Variants in RNF17 observed in about 807,000 individuals in gnomAD.
The protein encoded by RNF17 is ring finger protein 17, also known as spermatogenesis associated 23.
RNF17 carries 31 observed loss-of-function variants against 200.5 expected under a neutral mutation model. The ratio of observed to expected loss-of-function variants is 0.15; its 90% CI spans 0.12 to 0.21. RNF17 has a LOEUF of 0.21. Among genes scored for constraint, RNF17 ranks in the 10% least tolerant of loss-of-function variants. The pLI is 1.00. For missense variants in RNF17, 1,628 were observed against 1,905.1 expected, an observed-to-expected ratio of 0.85 and a Z score of 2.71; for synonymous variants, 606 against 637.8, an observed-to-expected ratio of 0.95 and a Z score of 0.75.
the RNF17 span, among the ~76,000 whole-genome samples, chr13:24,752,804 T>C: frequency 1.3e-5 from 2 of 152,210 alleles, no homozygotes; most frequent in Non-Finnish European, 2.9e-5. Flanking sequence ...CTGCTCCAGA[T>C]GACAGCCAGA....
At chr13:24,885,169 A>AAAGGCATCTTG in the RNF17 span, 1 of 750,464 alleles carries the variant, frequency 1.3e-6, no homozygotes, top group African/African-American at 1.7e-5. Flanking sequence ...AATGGCAACT[A>AAAGGCATCTTG]AAGGCATCTT....
At chr13:24,751,844 A>G in the RNF17 span, 2 of 152,180 alleles carry the variant, frequency 1.3e-5, no homozygotes, top group Non-Finnish European at 2.9e-5. Flanking sequence ...CACAAATAGC[A>G]TAATTGTTTG....
Position 24,879,229 on chromosome 13 carries a change from C to G in RNF17, c.4816C>G (p.Gln1606Glu), listed in dbSNP as rs750465436. ...GATAGTGACATTATATGACGATGAA[C>G]AGCATCCAGTTCATATGCCGTTGGT... ...EQIVTLYDDE[Q>E]HPVHMPLVEM... The change falls in exon 35 of 36, where the codon CAG becomes GAG. Residue 1606 changes from glutamine (Q) to glutamate (E), a missense_variant. This residue lies in a region of RNF17 where 609 missense variants were observed against 681.9 expected (regional missense o/e 0.89). Coordinates refer to ENST00000255324, the MANE Select transcript of RNF17 (RefSeq NM_031277.3). The G allele has an allele frequency of 8.7e-6, 14 of 1,613,836 alleles. No homozygotes were observed. The highest frequency in any genetic ancestry group is 1.1e-5 in the Non-Finnish European group (13 of 1,179,728).
At chr13:24,873,039 A>G in intron 32 of RNF17, among the ~76,000 whole-genome samples, 1 of 152,352 alleles carries the variant, frequency 6.6e-6, no homozygotes, top group South Asian at 2.1e-4. Context: ...GTGTACCATT[A>G]AAGAATTTTA....
Position 24,831,948 on chromosome 13 carries a change from C to A in RNF17, c.2452C>A (p.Gln818Lys). The A allele has an allele frequency of 6.3e-7, 1 of 1,595,704 alleles. No individual in the cohort carries two copies. The highest frequency in any genetic ancestry group is 8.6e-7 in the Non-Finnish European group (1 of 1,165,998). Residue 818 changes from glutamine (Q) to lysine (K), a missense_variant, in exon 18 of 36, where the codon CAA becomes AAA. This residue lies in a region of RNF17 where 227 missense variants were observed against 319.8 expected (regional missense o/e 0.71). Coordinates refer to ENST00000255324, the MANE Select transcript of RNF17 (RefSeq NM_031277.3). ...EAKEKFEEKA[Q>K]DKFMTCSVIK... ...TAAAGAAAAATTTGAAGAAAAGGCTCAAGATAAATTTATGACATGTTCAGT... is the reference window on the plus strand; with the variant it reads ...TAAAGAAAAATTTGAAGAAAAGGCTAAAGATAAATTTATGACATGTTCAGT...
At chr13:24,764,425 C>T (rs1879251368) in intron 1 of RNF17, 92 bp downstream of exon 1, 3 of 1,444,350 alleles carry the variant, frequency 2.1e-6, no homozygotes, top group South Asian at 2.9e-5. Context: ...GCTTGGTCAG[C>T]TGCATCCAAT....
At chr13:24,796,073 T>G (rs1033324460) in intron 10 of RNF17, 64 bp from the exon 11 acceptor site, 1 of 1,286,006 alleles carries the variant, frequency 7.8e-7, no homozygotes, top group Non-Finnish European at 1.1e-6. Context: ...TTATGGTTGT[T>G]CAGCTTTCAT....
downstream of RNF17, chr13:24,880,058 T>C (rs1311723960): frequency 6.6e-6 from 1 of 152,244 alleles, no homozygotes; most frequent in Non-Finnish European, 1.5e-5. Flanking sequence ...ACATTCCCCC[T>C]GCCTTCTGTA....
intron 9 of RNF17, among the ~76,000 whole-genome samples, chr13:24,791,232 C>G (rs1289986912): frequency 6.6e-6 from 1 of 152,106 alleles, no homozygotes; most frequent in Admixed American, 6.6e-5. Context: ...GACTCAGCAA[C>G]TCATGAGAAC....
chr13:24,876,815 T>C (rs1307288638), intron 33 of RNF17, among the ~76,000 whole-genome samples, 182 bp from the exon 34 acceptor site: 1 of 152,140 alleles, frequency 6.6e-6, no homozygotes, highest in Non-Finnish European at 1.5e-5. Context: ...TTAATTTTTT[T>C]AGGAAGTCCA....
At chr13:24,881,177 C>CA (rs958667883), downstream of RNF17, among the ~76,000 whole-genome samples, 1 of 150,544 alleles carries the variant, frequency 6.6e-6, no homozygotes, top group Non-Finnish European at 1.5e-5. Flanking sequence ...TCCTTTGAGA[C>CA]AGAGTCCCAC....
chr13:24,856,092 A>G (rs945048465), intron 25 of RNF17, among the ~76,000 whole-genome samples: 14 of 151,920 alleles, frequency 9.2e-5, no homozygotes, highest in African/African-American at 3.1e-4. Context: ...AATTTTATCA[A>G]TCTTCTTTGT....
At position 24,854,030 on chromosome 13, in the gene RNF17, C is replaced by G; in HGVS notation, c.3496C>G (p.Pro1166Ala). The G allele has an allele frequency of 1.2e-6, 2 of 1,614,018 alleles. No individual in the cohort carries two copies. The highest frequency in any genetic ancestry group is 1.7e-6 in the Non-Finnish European group (2 of 1,179,930). ...VSEFQEKILE[P>A]RTTRGYKPPA... ...TGAATTTCAGGAGAAAATTCTAGAACCAAGAACCACTAGAGGGTATAAGCC... is the reference window on the plus strand; with the variant it reads ...TGAATTTCAGGAGAAAATTCTAGAAGCAAGAACCACTAGAGGGTATAAGCC... The change falls in exon 25 of 36, where the codon CCA (proline) becomes GCA (alanine). Residue 1166 changes from proline to alanine, a missense_variant. By Grantham distance (27) the Pro-to-Ala change is conservative (BLOSUM62 -1). Around this residue, in one of 5 missense-constraint regions of RNF17, gnomAD observed 609 missense variants for 681.9 expected, o/e 0.89. Transcript: ENST00000255324.
chr13:24,883,407 AAAT>A (rs1173624361), downstream of RNF17: 5 of 1,452,908 alleles, frequency 3.4e-6, no homozygotes, highest in Non-Finnish European at 3.8e-6. Context: ...CTTAAAAAAA[AAAT>A]AATAGAAAAT....
intron 18 of RNF17, among the ~76,000 whole-genome samples, chr13:24,839,455 G>A (rs1021558282): frequency 6.6e-6 from 1 of 152,090 alleles, no homozygotes; most frequent in African/African-American, 2.4e-5. Flanking sequence ...GAACAAATTT[G>A]GAGGCATTAC....
intron 1 of RNF17, among the ~76,000 whole-genome samples, chr13:24,766,954 C>T (rs774090740): frequency 1.7e-4 from 26 of 152,228 alleles, no homozygotes; most frequent in Non-Finnish European, 3.2e-4. Context: ...TCAACCATTT[C>T]AAACTGTAGT....
At chr13:24,806,702 G>T (rs1885890421) in intron 15 of RNF17, among the ~76,000 whole-genome samples, 1 of 151,692 alleles carries the variant, frequency 6.6e-6, no homozygotes, top group Admixed American at 6.6e-5. Flanking sequence ...CAATGTGCAG[G>T]TTAGTTACAT....
rs527442126 is a variant in RNF17 at position 24,852,178 on chromosome 13, A to G, written c.3320+607A>G. On this transcript the variant is annotated intron_variant, in intron 24 of 35. Transcript: ENST00000255324. ...TTCTGAGACGGAGTCTGGCTCTGTCACCCAGGCTGGAGTGCAGTGGCGCAA... is the reference window on the plus strand; with the variant it reads ...TTCTGAGACGGAGTCTGGCTCTGTCGCCCAGGCTGGAGTGCAGTGGCGCAA... Among the ~76,000 whole-genome samples the G allele has an allele frequency of 5.1e-4, 67 of 132,050 alleles. 2 individuals are homozygous for G. In the East Asian group the frequency reaches 7.2e-3, roughly 14 times the overall value. The allele number at this position is 132,050 out of a possible 152,430, so 86.6% of individuals were successfully genotyped here.
chr13:24,750,274 G>A, the RNF17 span, among the ~76,000 whole-genome samples: 3 of 152,004 alleles, frequency 2.0e-5, no homozygotes, highest in South Asian at 6.2e-4. Flanking sequence ...TTGTTTGTTT[G>A]GTTTTGGCTT....
Sources: allele counts gnomAD v4.1 joint callset (sites outside exome capture counted in the v4.1 genomes callset), GRCh38; gene constraint gnomAD v4.1.1; regional missense constraint gnomAD v4.1.1; transcripts MANE v1.5; gene names NCBI Gene and HGNC (gene_info 2026-07-23, HGNC 2026-07-21).